The following SLC37A3 variants were observed in gnomAD, a reference collection of about 807,000 sequenced individuals.
SLC37A3 encodes the protein solute carrier family 37 member 3.
A neutral mutation model predicts 67.1 loss-of-function variants in SLC37A3; 51 were observed. The observed-to-expected ratio is 0.76, with a 90% CI of 0.61 to 0.96. SLC37A3 has a LOEUF of 0.96. Ranked by LOEUF, SLC37A3 falls within the 40% of genes least tolerant of loss-of-function variation. The pLI is 0.00. For missense variants in SLC37A3, 508 were observed against 603.0 expected, an observed-to-expected ratio of 0.84 and a Z score of 1.65; for synonymous variants, 214 against 231.4, an observed-to-expected ratio of 0.92 and a Z score of 0.68.
intron 1 of SLC37A3, among the ~76,000 whole-genome samples, chr7:140,387,749 A>AAATATATATTATATATTATATAT (rs1798532036): frequency 5.9e-5 from 1 of 16,988 alleles, no homozygotes; most frequent in African/African-American, 2.9e-4. Context: ...TATATTATAT[A>AAATATATATTATATATTATATAT]AATATAAATA....
intron 3 of SLC37A3, among the ~76,000 whole-genome samples, chr7:140,371,055 G>A (rs1170747163): frequency 6.6e-6 from 1 of 152,214 alleles, no homozygotes; most frequent in African/African-American, 2.4e-5. Context: ...GCAACCCCAG[G>A]AGCTTAGGGA....
In SLC37A3 at chr7:140,350,230, A is replaced by G. The variant is rs796779581; in HGVS notation, c.882+1043T>C. On this transcript the variant is annotated intron_variant, in intron 9 of 14. Coordinates refer to ENST00000326232, the MANE Select transcript of SLC37A3 (RefSeq NM_207113.3). ...ATTCCATGGGAAGGGGAACTGAGACACACGGACGGGTTGCGTGACTCACCC... is the reference window on the plus strand; with the variant it reads ...ATTCCATGGGAAGGGGAACTGAGACGCACGGACGGGTTGCGTGACTCACCC... Among the ~76,000 whole-genome samples the G allele has an allele frequency of 9.2e-5, 14 of 152,312 alleles. No individual in the cohort carries two copies. In the South Asian group the frequency reaches 2.3e-3, roughly 25 times the overall value.
intron 3 of SLC37A3, among the ~76,000 whole-genome samples, chr7:140,372,038 G>C (rs1000574835): frequency 4.6e-5 from 7 of 151,998 alleles, no homozygotes; most frequent in Non-Finnish European, 5.9e-5. Flanking sequence ...TTTTAGTAGA[G>C]ACGGGGTTTC....
chr7:140,347,252 A>AAC (rs1188336788), intron 10 of SLC37A3, among the ~76,000 whole-genome samples: 1 of 151,732 alleles, frequency 6.6e-6, no homozygotes, highest in Non-Finnish European at 1.5e-5. Flanking sequence ...ATCTCCAAAA[A>AAC]AAAAAAAAAA....
At position 140,335,499 on chromosome 7, in the gene SLC37A3, A is replaced by G; in HGVS notation, c.1398T>C (p.Ser466=). Residue 466 remains serine, a synonymous_variant, in exon 15 of 15, where the codon AGT becomes AGC. Coordinates refer to ENST00000326232, the MANE Select transcript of SLC37A3 (RefSeq NM_207113.3). ...WVFYFFILMT[S]CTIVFISPLI... ...ATGGCGAGATAAACACAATTGTACA[A>G]CTTGTCTGTAAAGAGAAAATAGTAT... is the stretch of plus-strand genomic sequence containing the variant. 1 of 1,613,400 alleles carries G rather than the reference A, an allele frequency of 6.2e-7. No individual in the cohort carries two copies. The highest frequency in any genetic ancestry group is 8.5e-7 in the Non-Finnish European group (1 of 1,179,920).
intron 3 of SLC37A3, among the ~76,000 whole-genome samples, chr7:140,370,134 A>T (rs2129645614): frequency 1.5e-5 from 2 of 133,964 alleles, no homozygotes; most frequent in East Asian, 4.7e-4. Context: ...AGAAAAGAAA[A>T]GAAAGAAATA....
chr7:140,359,831 T>G (rs1419740496), intron 5 of SLC37A3, among the ~76,000 whole-genome samples: 1 of 152,170 alleles, frequency 6.6e-6, no homozygotes, highest in Non-Finnish European at 1.5e-5. Context: ...ACAAAACTAC[T>G]CATTTGTTGA....
At chr7:140,391,081 A>T (rs1192755902) in intron 1 of SLC37A3, among the ~76,000 whole-genome samples, 1 of 152,142 alleles carries the variant, frequency 6.6e-6, no homozygotes, top group Non-Finnish European at 1.5e-5. Flanking sequence ...CACACTTCCC[A>T]GTAATTTTGC....
chr7:140,384,985 A>T (rs909066801), intron 1 of SLC37A3, among the ~76,000 whole-genome samples: 4 of 152,202 alleles, frequency 2.6e-5, no homozygotes, highest in Non-Finnish European at 5.9e-5. Flanking sequence ...CCATTCTTGC[A>T]ACTTGTAGAT....
chr7:140,360,297 C>T (rs924745667), intron 5 of SLC37A3, among the ~76,000 whole-genome samples: 7 of 151,956 alleles, frequency 4.6e-5, no homozygotes, highest in Non-Finnish European at 7.4e-5. Context: ...AGGATCACAC[C>T]GCTGCACTCC....
At position 140,352,160 on chromosome 7, in the gene SLC37A3, G is replaced by A. The variant is rs371491971; in HGVS notation, c.619-14C>T. Reference sequence around the variant, plus strand: ...CAGAAAGGCATACTGGAGGAGAGGGGTGAAAGGTGGTCCTTACATATCTGG... The same window carrying A: ...CAGAAAGGCATACTGGAGGAGAGGGATGAAAGGTGGTCCTTACATATCTGG... On this transcript the variant is annotated splice_polypyrimidine_tract_variant and intron_variant, in intron 7 of 14. Coordinates refer to ENST00000326232, the MANE Select transcript of SLC37A3 (RefSeq NM_207113.3). 2.7e-6 allele frequency: 4 copies of A among 1,458,272 alleles called. No homozygotes were observed. The highest frequency in any genetic ancestry group is 2.9e-5 in the African/African-American group (2 of 69,904). The allele number at this position is 1,458,272 out of a possible 1,614,324, so 90.3% of individuals were successfully genotyped here.
intron 3 of SLC37A3, among the ~76,000 whole-genome samples, chr7:140,375,604 G>T (rs1462421500): frequency 6.6e-6 from 1 of 152,134 alleles, no homozygotes; most frequent in Non-Finnish European, 1.5e-5. Context: ...AAGGTTCAAG[G>T]GTGGCACATC....
intron 1 of SLC37A3, among the ~76,000 whole-genome samples, chr7:140,383,586 C>G (rs562545149): frequency 4.3e-4 from 66 of 152,158 alleles, no homozygotes; most frequent in African/African-American, 1.5e-3. Flanking sequence ...GTCTGCCCCC[C>G]AGTATCTCCC....
chr7:140,355,850 C>G (rs1797005186), intron 6 of SLC37A3, 86 bp from the exon 7 acceptor site: 2 of 1,098,080 alleles, frequency 1.8e-6, no homozygotes, highest in Non-Finnish European at 2.8e-6. Context: ...CCAAAACAAC[C>G]AAGGTGCATA....
rs71170981 is a variant in SLC37A3, at chr7:140,365,919, C to CT, written c.292-1429dup. ...GCTTCAGATGACAGAACAATACATG[C>CT]TTTTTTTTTTTTTTTTTTTTTTTTT... On this transcript the variant is annotated intron_variant, in intron 4 of 14. Coordinates refer to ENST00000326232, the MANE Select transcript of SLC37A3 (RefSeq NM_207113.3). Among the ~76,000 whole-genome samples the CT allele has an allele frequency of 8.1e-3, 357 of 43,900 alleles. 131 individuals are homozygous for CT. The highest frequency in any genetic ancestry group is 0.01 in the Non-Finnish European group (267 of 26,036). 28.8% of individuals were successfully genotyped at this position (43,900 alleles called of 152,430 possible). A position where few individuals can be genotyped will look rare whatever the true frequency, so the allele number is the denominator to read the frequency against.
chr7:140,373,109 G>C (rs1213087576), intron 3 of SLC37A3, among the ~76,000 whole-genome samples: 3 of 151,984 alleles, frequency 2.0e-5, no homozygotes, highest in Non-Finnish European at 2.9e-5. Context: ...ATGCCACCAT[G>C]CCCGGCTAAT....
At chr7:140,352,298 G>A (rs191970228) in intron 7 of SLC37A3, 152 bp from the exon 8 acceptor site, 12 of 648,336 alleles carry the variant, frequency 1.9e-5, no homozygotes, top group Admixed American at 1.1e-4. Flanking sequence ...CTACTGGGCC[G>A]GGCGCCATGC....
At chr7:140,357,813 A>T (rs1797094249) in intron 6 of SLC37A3, among the ~76,000 whole-genome samples, 1 of 151,886 alleles carries the variant, frequency 6.6e-6, no homozygotes, top group Non-Finnish European at 1.5e-5. Context: ...GCTACTCAGG[A>T]GGCTACAGCA....
intron 5 of SLC37A3, among the ~76,000 whole-genome samples, chr7:140,362,791 C>A (rs1190492109): frequency 6.5e-5 from 6 of 92,124 alleles, no homozygotes; most frequent in Admixed American, 1.9e-4. Flanking sequence ...ATCAGCCCCC[C>A]GCCTGGCCAG....
Sources: gnomAD v4.1 joint callset for allele counts (sites outside exome capture counted in the v4.1 genomes callset) on GRCh38, gnomAD v4.1.1 for gene constraint, MANE v1.5 for transcripts, NCBI Gene and HGNC (gene_info 2026-07-23, HGNC 2026-07-21) for gene names.